The following CDK6 variants were observed in gnomAD, a reference collection of about 807,000 sequenced individuals.
CDK6 encodes the protein cyclin dependent kinase 6.
CDK6 carries 6 observed loss-of-function variants against 37.1 expected under a neutral mutation model. The observed-to-expected ratio is 0.16, with a 90% CI of 0.09 to 0.32. The LOEUF (loss-of-function observed/expected upper bound fraction) is 0.32. Ranked by LOEUF, CDK6 falls within the 10% of genes least tolerant of loss-of-function variation. CDK6 has a pLI of 1.00. For synonymous variants in CDK6, 160 were observed against 161.3 expected (o/e 0.99, Z 0.06); for missense variants, 224 against 418.9 (o/e 0.53, Z 4.06).
At position 92,690,049 on chromosome 7, in the gene CDK6, A is replaced by C. The variant is rs189187758; in HGVS notation, c.538-18514T>G. ...TTTGTTGGATGCACAGTTTGCAAAA[A>C]TTTTCTCCCATTCTGTAGGCTGTTT... On this transcript the variant is annotated intron_variant, in intron 4 of 7. Transcript: ENST00000424848. Among the ~76,000 whole-genome samples, 3 of 151,940 alleles carry C rather than the reference A, an allele frequency of 2.0e-5. No individual in the cohort carries two copies. In the East Asian group the frequency reaches 5.8e-4, roughly 29 times the overall value.
intron 4 of CDK6, among the ~76,000 whole-genome samples, chr7:92,676,599 T>A (rs1036107871): frequency 1.3e-5 from 2 of 152,184 alleles, no homozygotes; most frequent in South Asian, 4.1e-4. Flanking sequence ...TAATGGTTTA[T>A]AAGGAATATA....
chr7:92,628,960 T>A (rs1186535696), intron 5 of CDK6, among the ~76,000 whole-genome samples: 1 of 151,800 alleles, frequency 6.6e-6, no homozygotes, highest in Non-Finnish European at 1.5e-5. Context: ...AGAGAAGTGT[T>A]GAGAAAAAGT....
chr7:92,698,906 T>A (rs1450562968), intron 4 of CDK6, among the ~76,000 whole-genome samples: 2 of 152,356 alleles, frequency 1.3e-5, no homozygotes, highest in East Asian at 3.9e-4. Flanking sequence ...CATTCAGTTA[T>A]AAGCCTTTGC....
At chr7:92,633,397 A>T (rs897180810) in intron 5 of CDK6, among the ~76,000 whole-genome samples, 8 of 152,156 alleles carry the variant, frequency 5.3e-5, no homozygotes, top group African/African-American at 1.9e-4. Context: ...TATTTGAAGG[A>T]TGCAATTTTT....
chr7:92,699,658 T>C lies in CDK6; in HGVS notation c.537+25968A>G, dbSNP rs369894827. Reference sequence around the variant, plus strand: ...CAATTAATTCATTCATTCATACATATACAAATGTGCCTACTAGGTGACAAG... The same window carrying C: ...CAATTAATTCATTCATTCATACATACACAAATGTGCCTACTAGGTGACAAG... On this transcript the variant is annotated intron_variant, in intron 4 of 7. Coordinates refer to ENST00000424848, the MANE Select transcript of CDK6 (RefSeq NM_001145306.2). Among the ~76,000 whole-genome samples, 10 of 152,328 alleles carry C rather than the reference T, an allele frequency of 6.6e-5. No individual in the cohort carries two copies. In the South Asian group the frequency reaches 1.4e-3, roughly 22 times the overall value.
chr7:92,712,351 T>C (rs192352792), intron 4 of CDK6, among the ~76,000 whole-genome samples: 1 of 152,292 alleles, frequency 6.6e-6, no homozygotes, highest in African/African-American at 2.4e-5. Context: ...ACTGAGTAAA[T>C]GCATGTGAAT....
chr7:92,760,279 T>C (rs1311368810), intron 3 of CDK6, among the ~76,000 whole-genome samples: 1 of 152,190 alleles, frequency 6.6e-6, no homozygotes, highest in Non-Finnish European at 1.5e-5. Flanking sequence ...TAAATCTCAT[T>C]AGAAAACTTA....
chr7:92,628,784 G>C (rs1278728855), intron 5 of CDK6, among the ~76,000 whole-genome samples: 4 of 152,044 alleles, frequency 2.6e-5, no homozygotes, highest in Non-Finnish European at 4.4e-5. Flanking sequence ...TGCAAATAAT[G>C]TGTATTTAAA....
At chr7:92,681,793 A>G (rs942469926) in intron 4 of CDK6, among the ~76,000 whole-genome samples, 4 of 152,108 alleles carry the variant, frequency 2.6e-5, no homozygotes, top group Non-Finnish European at 5.9e-5. Context: ...CTTTTCTTAC[A>G]TGAAGCACAA....
At chr7:92,829,397 T>C (rs1801419116) in intron 2 of CDK6, among the ~76,000 whole-genome samples, 1 of 152,216 alleles carries the variant, frequency 6.6e-6, no homozygotes, top group African/African-American at 2.4e-5. Flanking sequence ...CTAATAAATA[T>C]AATCCCTAGA....
intron 4 of CDK6, among the ~76,000 whole-genome samples, chr7:92,697,353 GA>G (rs1253301501): frequency 6.6e-6 from 1 of 152,180 alleles, no homozygotes; most frequent in African/African-American, 2.4e-5. Flanking sequence ...CATAGCCAAA[GA>G]AAAACAGTCG....
At chr7:92,795,748 G>T (rs1276859570) in intron 2 of CDK6, among the ~76,000 whole-genome samples, 4 of 152,094 alleles carry the variant, frequency 2.6e-5, no homozygotes, top group Admixed American at 1.3e-4. Flanking sequence ...GTCCTTCAAA[G>T]ATTTTAATAT....
intron 2 of CDK6, among the ~76,000 whole-genome samples, chr7:92,802,807 C>T (rs537317657): frequency 3.3e-5 from 5 of 152,268 alleles, no homozygotes; most frequent in Admixed American, 2.0e-4. Context: ...GGCTGGATAA[C>T]ACTGTTATGG....
At chr7:92,670,667 C>A (rs1797052868) in intron 5 of CDK6, among the ~76,000 whole-genome samples, 1 of 152,194 alleles carries the variant, frequency 6.6e-6, no homozygotes, top group Admixed American at 6.5e-5. Flanking sequence ...ATCACATGCT[C>A]TCTTAGAGGG....
rs189084381 is a variant in CDK6 at position 92,659,453 on chromosome 7, T to C, written c.647+11973A>G. Among the ~76,000 whole-genome samples, 143 of 152,342 alleles carry C rather than the reference T, an allele frequency of 9.4e-4. 1 individual carries two copies. Among genetic ancestry groups the C allele is most frequent in the African/African-American group, 3.2e-3 (134 of 41,570 alleles). On this transcript the variant is annotated intron_variant, in intron 5 of 7. Coordinates refer to ENST00000424848, the MANE Select transcript of CDK6 (RefSeq NM_001145306.2). Reference sequence around the variant, plus strand: ...AAAAGTAATTCGACTTGTTTCTTTCTACCTCTTAAAATGCAGCTACTAGAA... The same window carrying C: ...AAAAGTAATTCGACTTGTTTCTTTCCACCTCTTAAAATGCAGCTACTAGAA...
chr7:92,761,769 G>A (rs552176370), intron 3 of CDK6, among the ~76,000 whole-genome samples: 29 of 152,330 alleles, frequency 1.9e-4, no homozygotes, highest in African/African-American at 7.0e-4. Flanking sequence ...TGATGGTGGA[G>A]TTGAAACAAA....
At chr7:92,638,548 A>G (rs1796228321) in intron 5 of CDK6, among the ~76,000 whole-genome samples, 1 of 152,154 alleles carries the variant, frequency 6.6e-6, no homozygotes, top group South Asian at 2.1e-4. Context: ...TAGCAGGACA[A>G]CACACCCTGT....
At chr7:92,623,709 T>C (rs914151535) in intron 5 of CDK6, among the ~76,000 whole-genome samples, 16 of 152,184 alleles carry the variant, frequency 1.1e-4, no homozygotes, top group African/African-American at 3.6e-4. Flanking sequence ...AGCATTTAAC[T>C]GGCAATTAAA....
chr7:92,678,019 G>A (rs1797246711), intron 4 of CDK6, among the ~76,000 whole-genome samples: 1 of 152,168 alleles, frequency 6.6e-6, no homozygotes. Context: ...TCATGCATGA[G>A]CAGAAGCTTA....
Sources: gnomAD v4.1 joint callset for allele counts (sites outside exome capture counted in the v4.1 genomes callset) on GRCh38, gnomAD v4.1.1 for gene constraint, MANE v1.5 for transcripts, NCBI Gene and HGNC (gene_info 2026-07-23, HGNC 2026-07-21) for gene names.